Variants in NWD1 observed in about 807,000 individuals in gnomAD.
NWD1 encodes the protein NACHT domain- and WD repeat-containing protein 1.
Under a neutral mutation model 135.1 loss-of-function variants are expected in NWD1, and 129 were observed. The ratio of observed to expected loss-of-function variants is 0.96; its 90% confidence interval spans 0.83 to 1.11. The LOEUF (loss-of-function observed/expected upper bound fraction) is 1.11. Among genes scored for constraint, NWD1 ranks in the 50% least tolerant of loss-of-function variants. The pLI is 0.00. For missense variants in NWD1, 1,740 were observed against 1,851.3 expected (o/e 0.94, Z 1.10); for synonymous variants, 773 against 786.0 (o/e 0.98, Z 0.28).
chr19:16,773,947 C>T (rs1351855401), intron 11 of NWD1, among the ~76,000 whole-genome samples: 1 of 107,112 alleles, frequency 9.3e-6, no homozygotes, highest in Non-Finnish European at 1.6e-5. Flanking sequence ...TCTATCCATC[C>T]ATCCATCCAT....
At chr19:16,807,379 G>A (rs1970780369) in intron 17 of NWD1, among the ~76,000 whole-genome samples, 1 of 152,088 alleles carries the variant, frequency 6.6e-6, no homozygotes. Flanking sequence ...TGTAATCCCA[G>A]CTACTCGGGA....
At chr19:16,774,922 T>G (rs977064628) in intron 11 of NWD1, among the ~76,000 whole-genome samples, 1 of 152,060 alleles carries the variant, frequency 6.6e-6, no homozygotes, top group African/African-American at 2.4e-5. Context: ...AGAAACTGAT[T>G]CCTCCATCTA....
chr19:16,762,297 CTT>C (rs71180331), intron 8 of NWD1, among the ~76,000 whole-genome samples, 159 bp downstream of exon 8: 1 of 118,102 alleles, frequency 8.5e-6, no homozygotes, highest in Admixed American at 9.3e-5. Context: ...CCCCCCACTC[CTT>C]TTTTTTTTTT....
intron 12 of NWD1, among the ~76,000 whole-genome samples, chr19:16,787,521 G>T (rs1313801090): frequency 6.6e-6 from 1 of 152,024 alleles, no homozygotes; most frequent in Non-Finnish European, 1.5e-5. Context: ...ATTTGGACAG[G>T]TTCTATCAAT....
chr19:16,749,280 A>T lies in NWD1; in HGVS notation c.638A>T (p.Asp213Val), dbSNP rs61750950. The change falls in exon 6 of 19, where the codon GAT becomes GTT. Residue 213 changes from aspartate (D) to valine (V), a missense_variant. Coordinates refer to ENST00000524140, the MANE Select transcript of NWD1 (RefSeq NM_001007525.5). ...CALRMVDRLA[D>V]GCLDADAQNL... Reference sequence around the variant, plus strand: ...CTTAGGATGGTGGACCGGCTCGCGGATGGCTGCCTGGACGCTGATGCCCAG... The same window carrying T: ...CTTAGGATGGTGGACCGGCTCGCGGTTGGCTGCCTGGACGCTGATGCCCAG... The T allele has an allele frequency of 2.5e-4, 407 of 1,613,912 alleles. 1 individual carries two copies. In the African/African-American group the frequency reaches 4.8e-3, roughly 19 times the overall value.
At chr19:16,752,739 G>A (rs186955639) in intron 6 of NWD1, among the ~76,000 whole-genome samples, 44 of 152,266 alleles carry the variant, frequency 2.9e-4, no homozygotes, top group Middle Eastern at 3.4e-3. Flanking sequence ...GCTCACACCC[G>A]TAATCCCAGC....
chr19:16,731,193 T>C lies in NWD1; in HGVS notation c.-5T>C, dbSNP rs1331261464. The C allele has an allele frequency of 6.6e-7, 1 of 1,517,838 alleles. No homozygotes were observed. 94.0% of individuals were successfully genotyped at this position (1,517,838 alleles called of 1,614,324 possible). A position where few individuals can be genotyped will look rare whatever the true frequency, so the allele number is the denominator to read the frequency against. On this transcript the variant is annotated splice_region_variant and 5_prime_UTR_variant, in exon 3 of 19. Coordinates refer to ENST00000524140, the MANE Select transcript of NWD1 (RefSeq NM_001007525.5). Reference sequence around the variant, plus strand: ...TACCCTCCATGCCCTTCCTTGCAGATATGGATGCAGAGAGGGAAGCCCTGC... The same window carrying C: ...TACCCTCCATGCCCTTCCTTGCAGACATGGATGCAGAGAGGGAAGCCCTGC...
chr19:16,772,475 G>A (rs1181211011), intron 10 of NWD1, among the ~76,000 whole-genome samples: 2 of 152,084 alleles, frequency 1.3e-5, no homozygotes, highest in African/African-American at 2.4e-5. Flanking sequence ...GTGAAACCCC[G>A]TTTCCACTAG....
chr19:16,732,550 C>T (rs1967613361), intron 3 of NWD1, among the ~76,000 whole-genome samples: 1 of 146,164 alleles, frequency 6.8e-6, no homozygotes, highest in Non-Finnish European at 1.5e-5. Flanking sequence ...AGTCCCAAAA[C>T]AGTAGGAGCC....
At chr19:16,741,983 C>T (rs775306241) in intron 4 of NWD1, among the ~76,000 whole-genome samples, 1 of 151,824 alleles carries the variant, frequency 6.6e-6, no homozygotes, top group Non-Finnish European at 1.5e-5. Flanking sequence ...TGGTGGTGGG[C>T]GCCTGTAGTC....
chr19:16,785,636 TTATA>T (rs1233066004), intron 12 of NWD1, among the ~76,000 whole-genome samples: 1 of 150,662 alleles, frequency 6.6e-6, no homozygotes, highest in Non-Finnish European at 1.5e-5. Context: ...ATATATACAC[TTATA>T]TATACATATT....
chr19:16,810,437 CAAA>C (rs529841524), intron 18 of NWD1, among the ~76,000 whole-genome samples: 2 of 66,270 alleles, frequency 3.0e-5, no homozygotes, highest in Non-Finnish European at 6.0e-5. Flanking sequence ...GACTCCATCT[CAAA>C]AAAAAAAAAA....
intron 12 of NWD1, among the ~76,000 whole-genome samples, chr19:16,785,553 T>A (rs1663081649): frequency 6.7e-6 from 1 of 149,724 alleles, no homozygotes; most frequent in African/African-American, 2.5e-5. Context: ...AAACAAAATT[T>A]AAAAAATTAA....
At chr19:16,733,245 G>T (rs1967653809) in intron 3 of NWD1, among the ~76,000 whole-genome samples, 2 of 151,766 alleles carry the variant, frequency 1.3e-5, no homozygotes, top group African/African-American at 4.8e-5. Flanking sequence ...TCTGGGCCGG[G>T]CGAAGTGGCT....
intron 11 of NWD1, among the ~76,000 whole-genome samples, chr19:16,778,654 G>A (rs1969747668): frequency 1.3e-5 from 2 of 151,896 alleles, no homozygotes; most frequent in African/African-American, 2.4e-5. Flanking sequence ...GATTACAGGT[G>A]TGCTTCACTA....
intron 11 of NWD1, 116 bp from the exon 12 acceptor site, chr19:16,779,227 T>C: frequency 8.2e-7 from 1 of 1,221,722 alleles, no homozygotes. Context: ...AGGGACCAAA[T>C]CTCTCTGTGC....
intron 16 of NWD1, 51 bp from the exon 17 acceptor site, chr19:16,799,835 A>G: frequency 2.6e-6 from 4 of 1,520,982 alleles, no homozygotes; most frequent in Non-Finnish European, 3.6e-6. Context: ...TTTCTGAACT[A>G]TAGTTGTCCA....
rs776856455 is a variant in NWD1, at chr19:16,759,295, C to T, written c.1840C>T (p.Arg614Ter). 1.9e-6 allele frequency: 3 copies of T among 1,614,136 alleles called. No homozygotes were observed. The highest frequency in any genetic ancestry group is 1.7e-6 in the Non-Finnish European group (2 of 1,180,002). The change falls in exon 7 of 19, where the codon CGA (arginine) becomes TGA (stop). Residue 614 changes from arginine to a stop codon, truncating the protein, a stop_gained. Transcript: ENST00000524140. LOFTEE classifies it high-confidence loss of function. ...LDDEVLQDVY[R>*]DWTPPSKELL... is the part of the protein sequence containing the mutation. The stretch of plus-strand genomic sequence containing the variant: ...CGACGAGGTCCTGCAGGATGTGTAC[C>T]GAGATTGGACCCCGCCCAGCAAGGA...
At chr19:16,812,672 AAAC>A (rs1970958583) in intron 18 of NWD1, 2 of 743,172 alleles carry the variant, frequency 2.7e-6, no homozygotes, top group East Asian at 5.2e-5. Context: ...TCCATCTCAA[AAAC>A]AAACAAACAA....
Sources: allele counts gnomAD v4.1 joint callset (sites outside exome capture counted in the v4.1 genomes callset), GRCh38; gene constraint gnomAD v4.1.1; transcripts MANE v1.5; gene names NCBI Gene and HGNC (gene_info 2026-07-23, HGNC 2026-07-21).